The following PRKAA1 variants were observed in gnomAD, a reference collection of about 807,000 sequenced individuals.
The protein encoded by PRKAA1 is 5'-AMP-activated protein kinase catalytic subunit alpha-1.
PRKAA1 carries 23 observed loss-of-function variants against 56.9 expected under a neutral mutation model. That is an observed-to-expected ratio of 0.40 (90% confidence interval 0.29 to 0.57). The LOEUF (loss-of-function observed/expected upper bound fraction) is 0.57, where lower values mean the gene tolerates loss of function less well. Ranked by LOEUF, PRKAA1 falls within the 20% of genes least tolerant of loss-of-function variation. PRKAA1 has a pLI of 0.39. For synonymous variants in PRKAA1, 226 were observed against 227.0 expected (o/e 1.00, Z 0.04); for missense variants, 413 against 679.7 (o/e 0.61, Z 4.36).
chr5:40,789,603 T>A (rs1744633024), intron 1 of PRKAA1, among the ~76,000 whole-genome samples: 1 of 151,904 alleles, frequency 6.6e-6, no homozygotes, highest in African/African-American at 2.4e-5. Context: ...AAGTAGAGAG[T>A]AGAATGGTGA....
intron 1 of PRKAA1, among the ~76,000 whole-genome samples, chr5:40,780,466 A>G (rs1302528279): frequency 6.6e-6 from 1 of 152,160 alleles, no homozygotes; most frequent in East Asian, 1.9e-4. Flanking sequence ...AATAAGATAT[A>G]TATATACATA....
In PRKAA1 at chr5:40,764,548, A is replaced by G; in HGVS notation, c.1401T>C (p.Ser467=). ...TACGGAAATCCAGTAGATAAGTTCT[A>G]CTATCCACTTGGTATAACTGTAGAC... ...KMSLQLYQVD[S]RTYLLDFRSI... Residue 467 remains serine, a synonymous_variant, in exon 8 of 9, where the codon AGT becomes AGC. Transcript: ENST00000397128. The G allele has an allele frequency of 1.2e-6, 2 of 1,612,464 alleles. No homozygotes were observed. Among genetic ancestry groups the G allele is most frequent in the Non-Finnish European group, 1.7e-6 (2 of 1,179,122 alleles).
intron 3 of PRKAA1, chr5:40,774,947 T>A: frequency 6.2e-7 from 1 of 1,605,588 alleles, no homozygotes; most frequent in Non-Finnish European, 8.5e-7. Context: ...GGAGCCTGTT[T>A]TTACTACTCC....
chr5:40,781,628 T>C (rs1034994676), intron 1 of PRKAA1, among the ~76,000 whole-genome samples: 2 of 151,756 alleles, frequency 1.3e-5, no homozygotes, highest in African/African-American at 4.8e-5. Flanking sequence ...ATTAAACAAA[T>C]GAAAAAAATG....
At chr5:40,777,925 T>A (rs1036719473) in intron 1 of PRKAA1, among the ~76,000 whole-genome samples, 1 of 151,998 alleles carries the variant, frequency 6.6e-6, no homozygotes, top group Non-Finnish European at 1.5e-5. Flanking sequence ...ATACAAAAAA[T>A]TGGCGAGGCG....
Position 40,781,794 on chromosome 5 carries a change from G to C in PRKAA1, c.128-4208C>G, listed in dbSNP as rs115533537. On this transcript the variant is annotated intron_variant, in intron 1 of 8. Coordinates refer to ENST00000397128, the MANE Select transcript of PRKAA1 (RefSeq NM_006251.6). ...ACGATATAACTATATTAGGAGGATG[G>C]GGGTGTAGTATGAAATGTATAAGAG... is the stretch of plus-strand genomic sequence containing the variant. 4.4e-3 allele frequency among the ~76,000 whole-genome samples: 675 copies of C among 152,196 alleles called. 6 individuals carry two copies. Among genetic ancestry groups the C allele is most frequent in the African/African-American group, 0.016 (646 of 41,540 alleles).
chr5:40,760,465 T>C lies in PRKAA1; in HGVS notation c.*2313A>G, dbSNP rs1364410845. The C allele has an allele frequency of 6.5e-6, 1 of 152,748 alleles. No homozygotes were observed. The highest frequency in any genetic ancestry group is 1.5e-5 in the Non-Finnish European group (1 of 68,016). The allele number at this position is 152,748 out of a possible 1,614,324, so 9.5% of individuals were successfully genotyped here. On this transcript the variant is annotated 3_prime_UTR_variant, in exon 9 of 9. Coordinates refer to ENST00000397128, the MANE Select transcript of PRKAA1 (RefSeq NM_006251.6). ...CAGCGTATATAGCGCCATTACTTAA[T>C]TCCATATACAAATTTGTAACTTTAA... is the stretch of plus-strand genomic sequence containing the variant.
At chr5:40,775,344 T>G in intron 3 of PRKAA1, 66 bp downstream of exon 3, 1 of 1,295,282 alleles carries the variant, frequency 7.7e-7, no homozygotes, top group Non-Finnish European at 1.1e-6. Flanking sequence ...TTGCTGACAT[T>G]TTGATGCTAG....
chr5:40,776,805 A>T (rs969118328), intron 2 of PRKAA1, among the ~76,000 whole-genome samples: 1 of 152,158 alleles, frequency 6.6e-6, no homozygotes, highest in Non-Finnish European at 1.5e-5. Context: ...AGGCTAACTG[A>T]CATCATGTGG....
chr5:40,786,592 T>G, intron 1 of PRKAA1, among the ~76,000 whole-genome samples: 1 of 151,292 alleles, frequency 6.6e-6, no homozygotes, highest in Non-Finnish European at 1.5e-5. Context: ...AGATTAGTAA[T>G]TAGAAGACAG....
At chr5:40,788,480 T>C (rs1408049180) in intron 1 of PRKAA1, among the ~76,000 whole-genome samples, 3 of 152,274 alleles carry the variant, frequency 2.0e-5, no homozygotes, top group African/African-American at 7.2e-5. Context: ...GATCCCCTAA[T>C]GCACAGGCAA....
At chr5:40,785,876 A>C (rs1006574464) in intron 1 of PRKAA1, among the ~76,000 whole-genome samples, 1 of 147,788 alleles carries the variant, frequency 6.8e-6, no homozygotes, top group Non-Finnish European at 1.5e-5. Context: ...AGAGAGAGAG[A>C]GAGCAAGCGA....
chr5:40,775,583 G>A, intron 2 of PRKAA1, 80 bp from the exon 3 acceptor site: 1 of 1,111,984 alleles, frequency 9.0e-7, no homozygotes. Context: ...AGCACCTATA[G>A]TATACCAGGT....
At chr5:40,789,882 T>C (rs1579757606) in intron 1 of PRKAA1, among the ~76,000 whole-genome samples, 2 of 152,248 alleles carry the variant, frequency 1.3e-5, no homozygotes, top group South Asian at 4.1e-4. Context: ...AAACATCACA[T>C]TGTGCCCCAT....
chr5:40,783,160 T>C (rs182620706), intron 1 of PRKAA1, among the ~76,000 whole-genome samples: 3 of 152,224 alleles, frequency 2.0e-5, no homozygotes, highest in Admixed American at 2.0e-4. Flanking sequence ...CTTCTAAGAA[T>C]TTGATTTAAA....
chr5:40,796,014 A>T (rs912608134), intron 1 of PRKAA1, among the ~76,000 whole-genome samples: 1 of 152,240 alleles, frequency 6.6e-6, no homozygotes, highest in African/African-American at 2.4e-5. Context: ...AAAACCACTT[A>T]GCAAATACGA....
chr5:40,768,577 G>A, intron 5 of PRKAA1: 1 of 1,025,044 alleles, frequency 9.8e-7, no homozygotes, highest in African/African-American at 1.7e-5. Context: ...AGGTACTCCT[G>A]CCTTACTCAC....
At chr5:40,782,812 G>A (rs3805494) in intron 1 of PRKAA1, among the ~76,000 whole-genome samples, 33,817 of 151,998 alleles carry the variant, frequency 0.22, 4,512 homozygotes, top group Admixed American at 0.38. Flanking sequence ...GAGTAATACG[G>A]AGCAGAATAT....
At chr5:40,774,849 G>C (rs181597160) in intron 3 of PRKAA1, 12,137 of 1,197,050 alleles carry the variant, frequency 0.01, 85 homozygotes, top group Non-Finnish European at 0.012. Context: ...TTGAGTTTTT[G>C]TATCTGTAAC....
Sources: allele counts gnomAD v4.1 joint callset (sites outside exome capture counted in the v4.1 genomes callset), GRCh38; gene constraint gnomAD v4.1.1; transcripts MANE v1.5; gene names NCBI Gene and HGNC (gene_info 2026-07-23, HGNC 2026-07-21).